Variants in VBP1 observed in about 807,000 individuals in gnomAD.
VBP1 encodes prefoldin subunit 3.
In VBP1, 4 loss-of-function variants were observed where a neutral mutation model predicts 15.5. The observed-to-expected ratio is 0.26, with a 90% CI of 0.13 to 0.59. VBP1 has a LOEUF of 0.59. Among genes scored for constraint, VBP1 ranks in the 20% least tolerant of loss-of-function variants. The pLI is 0.90. For missense variants in VBP1, 108 were observed against 139.6 expected, an observed-to-expected ratio of 0.77 and a Z score of 1.14; for synonymous variants, 61 against 52.1, an observed-to-expected ratio of 1.17 and a Z score of -0.74.
intron 1 of VBP1, among the ~76,000 whole-genome samples, chrX:155,204,535 T>C (rs1557307895): frequency 8.9e-6 from 1 of 111,942 alleles, no homozygotes; most frequent in Non-Finnish European, 1.9e-5. Flanking sequence ...TATTTTTAAA[T>C]GGAAGGTAAT....
At chrX:155,226,806 T>C (rs782230144) in intron 2 of VBP1, among the ~76,000 whole-genome samples, 1 of 111,921 alleles carries the variant, frequency 8.9e-6, no homozygotes, top group Non-Finnish European at 1.9e-5. Context: ...TTAAAATTAA[T>C]CTATTTAAAA....
At chrX:155,216,224 G>C (rs2074661920), upstream of VBP1, 1 of 476,496 alleles carries the variant, frequency 2.1e-6, no homozygotes, top group Non-Finnish European at 3.3e-6. Context: ...TTCCCAGGAG[G>C]ACGTATGGGT....
intron 1 of VBP1, among the ~76,000 whole-genome samples, chrX:155,206,391 G>A (rs1378281144): frequency 1.8e-4 from 20 of 110,449 alleles, no homozygotes; most frequent in African/African-American, 3.6e-4. Context: ...CTGCCACCAC[G>A]CCTGGCTAAT....
chrX:155,229,932 A>C (rs1602891648), intron 4 of VBP1, among the ~76,000 whole-genome samples: 1 of 111,838 alleles, frequency 8.9e-6, no homozygotes, highest in Admixed American at 9.5e-5. Context: ...GAAGCCAACT[A>C]TCTCTCACTT....
intron 2 of VBP1, among the ~76,000 whole-genome samples, chrX:155,209,208 C>T: frequency 8.9e-6 from 1 of 112,476 alleles, no homozygotes; most frequent in Non-Finnish European, 1.9e-5. Context: ...CAACTGGCTT[C>T]TTATATTTAT....
chrX:155,235,506 T>G (rs2074767688), intron 4 of VBP1, among the ~76,000 whole-genome samples: 1 of 110,957 alleles, frequency 9.0e-6, no homozygotes, highest in Non-Finnish European at 1.9e-5. Context: ...TTCAAAGCTG[T>G]AAAAGGTGTG....
intron 1 of VBP1, among the ~76,000 whole-genome samples, chrX:155,201,629 T>A (rs1204826884): frequency 3.4e-5 from 3 of 89,013 alleles, no homozygotes; most frequent in Non-Finnish European, 4.2e-5. Flanking sequence ...AAGAGCTATC[T>A]ATGACAAACC....
chrX:155,234,788 C>T (rs1161179500), intron 4 of VBP1, among the ~76,000 whole-genome samples: 1 of 112,102 alleles, frequency 8.9e-6, no homozygotes, highest in Non-Finnish European at 1.9e-5. Flanking sequence ...AGTAGATTGC[C>T]TTAAGATTTA....
chrX:155,216,633 T>C, intron 1 of VBP1, 58 bp downstream of exon 1: 1 of 1,157,102 alleles, frequency 8.6e-7, no homozygotes, highest in Non-Finnish European at 1.2e-6. Flanking sequence ...GCCCCTTTCT[T>C]CCCGGCTCCC....
At chrX:155,200,879 GA>G (rs1208124055) in intron 1 of VBP1, among the ~76,000 whole-genome samples, 1 of 109,938 alleles carries the variant, frequency 9.1e-6, no homozygotes, top group East Asian at 2.8e-4. Context: ...TAATAAAGAA[GA>G]AAAGAGAGAA....
At chrX:155,206,238 A>ATT (rs11354249) in intron 1 of VBP1, among the ~76,000 whole-genome samples, 75 of 101,204 alleles carry the variant, frequency 7.4e-4, no homozygotes, top group South Asian at 3.8e-3. Flanking sequence ...CTTGAGTAGA[A>ATT]TTTTTTTTTT....
At chrX:155,238,738 A>G in intron 5 of VBP1, 34 bp from the exon 6 acceptor site, 1 of 1,139,720 alleles carries the variant, frequency 8.8e-7, no homozygotes, top group Non-Finnish European at 1.2e-6. Flanking sequence ...TATCTTTAGA[A>G]TTGCATTTGC....
intron 4 of VBP1, among the ~76,000 whole-genome samples, chrX:155,232,906 C>T (rs782159589): frequency 3.6e-5 from 4 of 112,509 alleles, no homozygotes; most frequent in Non-Finnish European, 7.5e-5. Context: ...CTGTAGTAAC[C>T]AAAACCTGGA....
chrX:155,224,558 T>C (rs1303080083), intron 2 of VBP1, among the ~76,000 whole-genome samples: 2 of 111,866 alleles, frequency 1.8e-5, no homozygotes, highest in African/African-American at 6.5e-5. Context: ...GGCAGTACAG[T>C]CCAGCCTCGG....
Position 155,239,018 on chromosome X carries a change from A to AT in VBP1, c.*185dup, listed in dbSNP as rs201514976. 1,199 of 337,040 alleles carry AT rather than the reference A, an allele frequency of 3.6e-3. 10 individuals carry two copies. Among genetic ancestry groups the AT allele is most frequent in the African/African-American group, 0.022 (820 of 36,545 alleles). 27.8% of individuals were successfully genotyped at this position (337,040 alleles called of 1,213,427 possible). A position where few individuals can be genotyped will look rare whatever the true frequency, so the allele number is the denominator to read the frequency against. On this transcript the variant is annotated 3_prime_UTR_variant, in exon 6 of 6. Transcript: ENST00000286428. The stretch of plus-strand genomic sequence containing the variant: ...AGTTTCAAATATTTTTGACATTGTG[A>AT]TTTTTTTTTCCACATTTCTCAGCAA...
intron 2 of VBP1, among the ~76,000 whole-genome samples, chrX:155,224,572 G>A (rs1427528104): frequency 1.8e-5 from 2 of 112,040 alleles, no homozygotes; most frequent in African/African-American, 6.5e-5. Context: ...GCCTCGGCTC[G>A]GCATCAGAGG....
intron 5 of VBP1, 130 bp from the exon 6 acceptor site, chrX:155,238,642 A>G: frequency 6.4e-6 from 3 of 467,736 alleles, no homozygotes; most frequent in Admixed American, 7.5e-5. Context: ...TTACAATACT[A>G]TTTGTTACCA....
chrX:155,208,031 A>G (rs782171449), intron 1 of VBP1, among the ~76,000 whole-genome samples: 1 of 112,107 alleles, frequency 8.9e-6, no homozygotes, highest in East Asian at 2.8e-4. Context: ...GTTCTTAAGT[A>G]AGCCCATATT....
chrX:155,223,071 G>A (rs1195056075), intron 2 of VBP1, among the ~76,000 whole-genome samples: 3 of 90,858 alleles, frequency 3.3e-5, no homozygotes, highest in Admixed American at 1.2e-4. Context: ...TGATCTAGTT[G>A]TTTTGCAGCA....
Sources: allele counts gnomAD v4.1 joint callset (sites outside exome capture counted in the v4.1 genomes callset), GRCh38; gene constraint gnomAD v4.1.1; transcripts MANE v1.5; gene names NCBI Gene and HGNC (gene_info 2026-07-23, HGNC 2026-07-21).